DNAJC15: variants seen among roughly 807,000 people sequenced by gnomAD.
DNAJC15 encodes the protein dnaJ homolog subfamily C member 15.
Under a neutral mutation model 22.4 loss-of-function variants are expected in DNAJC15, and 27 were observed. That is an observed-to-expected ratio of 1.20 (90% CI 0.89 to 1.66). The LOEUF is 1.66. Ranked by LOEUF, DNAJC15 falls within the 40% of genes most tolerant of loss-of-function variation. The pLI is 0.00. For synonymous variants in DNAJC15, 79 were observed against 63.2 expected (o/e 1.25, Z -1.19); for missense variants, 208 against 187.1 (o/e 1.11, Z -0.65).
At chr13:43,044,412 G>T (rs1398873183) in intron 1 of DNAJC15, among the ~76,000 whole-genome samples, 1 of 152,110 alleles carries the variant, frequency 6.6e-6, no homozygotes, top group Admixed American at 6.5e-5. Flanking sequence ...ACTCGTCACG[G>T]CATATTGTTA....
At chr13:43,061,116 G>T (rs1338335983) in intron 1 of DNAJC15, among the ~76,000 whole-genome samples, 1 of 152,148 alleles carries the variant, frequency 6.6e-6, no homozygotes, top group African/African-American at 2.4e-5. Flanking sequence ...CTAAGAGGCG[G>T]GCTAGTGGCT....
intron 1 of DNAJC15, among the ~76,000 whole-genome samples, chr13:43,027,314 C>T (rs1442828384): frequency 6.6e-6 from 1 of 152,056 alleles, no homozygotes; most frequent in African/African-American, 2.4e-5. Flanking sequence ...AAATGTGTGC[C>T]GTGGTGGTTT....
intron 1 of DNAJC15, among the ~76,000 whole-genome samples, chr13:43,041,372 G>C (rs958805628): frequency 6.6e-6 from 1 of 152,210 alleles, no homozygotes; most frequent in Non-Finnish European, 1.5e-5. Flanking sequence ...GGAGCACAGG[G>C]TTGGGGGTAA....
chr13:43,098,160 C>G (rs144017158), intron 5 of DNAJC15, among the ~76,000 whole-genome samples: 58 of 152,260 alleles, frequency 3.8e-4, no homozygotes, highest in African/African-American at 1.3e-3. Flanking sequence ...TTGTATGCCT[C>G]TATGAGGACA....
chr13:43,092,493 C>T (rs2040719874), intron 5 of DNAJC15, among the ~76,000 whole-genome samples: 1 of 140,036 alleles, frequency 7.1e-6, no homozygotes, highest in Admixed American at 6.9e-5. Context: ...TATACATATA[C>T]ACACACACAT....
At chr13:43,065,544 A>G (rs561292358) in intron 1 of DNAJC15, 142 bp from the exon 2 acceptor site, 6 of 636,688 alleles carry the variant, frequency 9.4e-6, no homozygotes, top group African/African-American at 5.5e-5. Context: ...TAGACACTGC[A>G]TATTTTTTTA....
At chr13:43,038,232 C>G (rs2040437440) in intron 1 of DNAJC15, among the ~76,000 whole-genome samples, 1 of 152,162 alleles carries the variant, frequency 6.6e-6, no homozygotes, top group Non-Finnish European at 1.5e-5. Flanking sequence ...ATGAAAGTAA[C>G]CTCAAGACAC....
chr13:43,101,915 C>A (rs539024917), intron 5 of DNAJC15, among the ~76,000 whole-genome samples: 2 of 152,260 alleles, frequency 1.3e-5, no homozygotes, highest in African/African-American at 4.8e-5. Flanking sequence ...GTCTTTTTCA[C>A]ATAATGACTT....
At position 43,112,812 on chromosome 13, in the gene DNAJC15, C is replaced by T. The variant is rs2040831024; in HGVS notation, c.*5564C>T. On this transcript the variant is annotated 3_prime_UTR_variant, in exon 6 of 6. Transcript: ENST00000379221. The stretch of plus-strand genomic sequence containing the variant: ...CGCATGCTGTTTATATTATATTGCA[C>T]TCATTCTAAATATGTGGGAATCAGA... 6.6e-6 allele frequency: 1 copy of T among 152,142 alleles called. No individual in the cohort carries two copies. Among genetic ancestry groups the T allele is most frequent in the Non-Finnish European group, 1.5e-5 (1 of 68,040 alleles). The allele number at this position is 152,142 out of a possible 1,614,324, so 9.4% of individuals were successfully genotyped here.
chr13:43,045,570 A>G (rs551026267), intron 1 of DNAJC15, among the ~76,000 whole-genome samples: 74 of 152,316 alleles, frequency 4.9e-4, no homozygotes, highest in African/African-American at 1.4e-3. Context: ...GAGTTTCACA[A>G]TGTTCTTCCA....
chr13:43,068,852 C>A, intron 2 of DNAJC15, 78 bp from the exon 3 acceptor site: 1 of 1,164,120 alleles, frequency 8.6e-7, no homozygotes, highest in Non-Finnish European at 1.2e-6. Context: ...TCAATAAATA[C>A]TGTTGCAAGC....
intron 5 of DNAJC15, 62 bp downstream of exon 5, chr13:43,085,900 A>T (rs959615783): frequency 1.4e-6 from 2 of 1,434,796 alleles, no homozygotes; most frequent in African/African-American, 2.9e-5. Context: ...TTCCTTTCAG[A>T]TTAAAGTCAT....
intron 1 of DNAJC15, among the ~76,000 whole-genome samples, chr13:43,049,602 A>G (rs954926287): frequency 6.6e-6 from 1 of 152,232 alleles, no homozygotes; most frequent in African/African-American, 2.4e-5. Flanking sequence ...ATGTTATTTT[A>G]TTTTTAAAAT....
chr13:43,079,220 G>A (rs1350346630), intron 4 of DNAJC15, among the ~76,000 whole-genome samples: 2 of 152,002 alleles, frequency 1.3e-5, no homozygotes, highest in African/African-American at 2.4e-5. Flanking sequence ...TTTCCCCTAT[G>A]ATAATCATTT....
rs1020188432 is a variant in DNAJC15, at chr13:43,110,674, T to A, written c.*3426T>A. Reference sequence around the variant, plus strand: ...AGTAGAAGGTTAAAATGTATCCCTCTTTTTCTGGTGCATCCAGCAAAAGTA... The same window carrying A: ...AGTAGAAGGTTAAAATGTATCCCTCATTTTCTGGTGCATCCAGCAAAAGTA... On this transcript the variant is annotated 3_prime_UTR_variant, in exon 6 of 6. Coordinates refer to ENST00000379221, the MANE Select transcript of DNAJC15 (RefSeq NM_013238.3). 45 of 152,220 alleles carry A rather than the reference T, an allele frequency of 3.0e-4. No individual in the cohort carries two copies. Among genetic ancestry groups the A allele is most frequent in the African/African-American group, 1.1e-3 (45 of 41,444 alleles). The allele number at this position is 152,220 out of a possible 1,614,324, so 9.4% of individuals were successfully genotyped here.
intron 1 of DNAJC15, among the ~76,000 whole-genome samples, chr13:43,029,993 T>TA (rs953672601): frequency 1.0e-4 from 15 of 143,250 alleles, no homozygotes; most frequent in African/African-American, 3.9e-4. Context: ...CTTCAGGAAT[T>TA]AAAAAAAGAA....
intron 4 of DNAJC15, among the ~76,000 whole-genome samples, chr13:43,083,869 C>T (rs2040675264): frequency 6.6e-6 from 1 of 152,152 alleles, no homozygotes; most frequent in African/African-American, 2.4e-5. Flanking sequence ...CATAGGTAAA[C>T]AGCCAAGAGG....
intron 1 of DNAJC15, among the ~76,000 whole-genome samples, chr13:43,049,624 A>G (rs564426770): frequency 6.6e-6 from 1 of 152,342 alleles, no homozygotes; most frequent in East Asian, 1.9e-4. Context: ...AAAGCCAAAG[A>G]AAGGTATGGT....
At chr13:43,025,536 C>A (rs1005790832) in intron 1 of DNAJC15, among the ~76,000 whole-genome samples, 6 of 152,148 alleles carry the variant, frequency 3.9e-5, no homozygotes, top group African/African-American at 1.4e-4. Context: ...ATAAAATCTA[C>A]CTGTAAACAT....
Sources: gnomAD v4.1 joint callset for allele counts (sites outside exome capture counted in the v4.1 genomes callset) on GRCh38, gnomAD v4.1.1 for gene constraint, MANE v1.5 for transcripts, NCBI Gene and HGNC (gene_info 2026-07-23, HGNC 2026-07-21) for gene names.